HS6ST3: variants seen among roughly 807,000 people sequenced by gnomAD.
The protein encoded by HS6ST3 is heparan-sulfate 6-O-sulfotransferase 3.
HS6ST3 carries 12 observed loss-of-function variants against 36.7 expected under a neutral mutation model. The ratio of observed to expected loss-of-function variants is 0.33; its 90% CI spans 0.21 to 0.53. The LOEUF is 0.53. Ranked by LOEUF, HS6ST3 falls within the 20% of genes least tolerant of loss-of-function variation. HS6ST3 has a pLI of 0.95. For missense variants in HS6ST3, 584 were observed against 640.9 expected (o/e 0.91, Z 0.96); for synonymous variants, 240 against 257.5 (o/e 0.93, Z 0.65).
intron 1 of HS6ST3, among the ~76,000 whole-genome samples, chr13:96,750,505 A>C (rs1475799438): frequency 3.3e-5 from 5 of 152,214 alleles, no homozygotes; most frequent in African/African-American, 1.2e-4. Context: ...CTCTTTCATT[A>C]ATCAAACGGG....
intron 1 of HS6ST3, among the ~76,000 whole-genome samples, chr13:96,641,764 T>A (rs1163901063): frequency 1.3e-5 from 2 of 151,842 alleles, no homozygotes; most frequent in Non-Finnish European, 2.9e-5. Context: ...TTCACTAGTA[T>A]GCAAATATTT....
rs142121172 is a variant in HS6ST3 at position 96,598,033 on chromosome 13, G to A, written c.708-234457G>A. Among the ~76,000 whole-genome samples, 149 of 152,076 alleles carry A rather than the reference G, an allele frequency of 9.8e-4. 2 individuals carry two copies. The East Asian group carries it at 0.025, about 25-fold the overall frequency. On this transcript the variant is annotated intron_variant, in intron 1 of 1. Coordinates refer to ENST00000376705, the MANE Select transcript of HS6ST3 (RefSeq NM_153456.4). ...TCTGTTCTGTTCCACCGGTCTCTGT[G>A]TCTGCTTTTATACCAGTGCCATGCT...
intron 1 of HS6ST3, among the ~76,000 whole-genome samples, chr13:96,301,943 A>ATT (rs2054885169): frequency 2.8e-5 from 4 of 144,706 alleles, no homozygotes; most frequent in Admixed American, 1.4e-4. Context: ...TAATAATAAT[A>ATT]ATTTCTAAAA....
rs180939759 is a variant in HS6ST3 at position 96,161,357 on chromosome 13, G to A, written c.707+69788G>A. Among the ~76,000 whole-genome samples the A allele has an allele frequency of 1.2e-4, 18 of 152,270 alleles. No individual in the cohort carries two copies. In the South Asian group the frequency reaches 3.3e-3, roughly 28 times the overall value. On this transcript the variant is annotated intron_variant, in intron 1 of 1. Coordinates refer to ENST00000376705, the MANE Select transcript of HS6ST3 (RefSeq NM_153456.4). ...CTGGATCTTGACAAGTGAATGGGAC[G>A]TGGAAGTGAAATGAGTAGTGTCAGC...
chr13:96,320,657 T>C (rs990591470), intron 1 of HS6ST3, among the ~76,000 whole-genome samples: 40 of 152,224 alleles, frequency 2.6e-4, no homozygotes, highest in African/African-American at 9.4e-4. Flanking sequence ...CTATTTGAGA[T>C]GGCATTTCAG....
At chr13:96,230,242 G>T (rs192313552) in intron 1 of HS6ST3, among the ~76,000 whole-genome samples, 36 of 152,230 alleles carry the variant, frequency 2.4e-4, no homozygotes, top group Non-Finnish European at 4.0e-4. Context: ...TGGGCAACAG[G>T]ATATGGCAGG....
chr13:96,798,070 A>G (rs1877957298), intron 1 of HS6ST3, among the ~76,000 whole-genome samples: 1 of 151,952 alleles, frequency 6.6e-6, no homozygotes, highest in Non-Finnish European at 1.5e-5. Context: ...GGTTCAATTA[A>G]TTTCTTAGAG....
intron 1 of HS6ST3, among the ~76,000 whole-genome samples, chr13:96,667,560 C>T (rs1471557497): frequency 5.9e-5 from 9 of 152,140 alleles, no homozygotes; most frequent in South Asian, 2.1e-4. Context: ...TCCACCAGAA[C>T]GATAATGACT....
chr13:96,107,347 A>G (rs1023419931), intron 1 of HS6ST3, among the ~76,000 whole-genome samples: 3 of 152,304 alleles, frequency 2.0e-5, no homozygotes, highest in Middle Eastern at 3.4e-3. Flanking sequence ...AGATGGGGCA[A>G]TGAGTGATCA....
At chr13:96,718,970 A>G (rs948968026) in intron 1 of HS6ST3, among the ~76,000 whole-genome samples, 10 of 152,180 alleles carry the variant, frequency 6.6e-5, no homozygotes, top group African/African-American at 1.9e-4. Flanking sequence ...TCTTTGAAAT[A>G]GCACCTAAGA....
intron 1 of HS6ST3, among the ~76,000 whole-genome samples, chr13:96,371,512 A>G (rs2055290094): frequency 6.6e-6 from 1 of 152,136 alleles, no homozygotes; most frequent in Non-Finnish European, 1.5e-5. Context: ...AATTTCAGGT[A>G]TATAATACAT....
At chr13:96,721,517 G>A (rs572763567) in intron 1 of HS6ST3, among the ~76,000 whole-genome samples, 1 of 152,092 alleles carries the variant, frequency 6.6e-6, no homozygotes, top group Non-Finnish European at 1.5e-5. Flanking sequence ...TGACTTTACT[G>A]AGCTAATGTC....
chr13:96,584,286 G>A (rs2056352852), intron 1 of HS6ST3, among the ~76,000 whole-genome samples: 1 of 152,090 alleles, frequency 6.6e-6, no homozygotes, highest in South Asian at 2.1e-4. Flanking sequence ...TGGGATTACA[G>A]TCATGTGCCA....
intron 1 of HS6ST3, among the ~76,000 whole-genome samples, chr13:96,531,788 C>G (rs1436930829): frequency 6.6e-6 from 1 of 152,202 alleles, no homozygotes; most frequent in Non-Finnish European, 1.5e-5. Context: ...AGTCAAGTAG[C>G]TGATATGTGC....
chr13:96,560,241 A>G (rs964399736), intron 1 of HS6ST3, among the ~76,000 whole-genome samples: 6 of 152,234 alleles, frequency 3.9e-5, no homozygotes, highest in African/African-American at 1.4e-4. Context: ...TTAGACATGT[A>G]ACTCAGTCAT....
intron 1 of HS6ST3, among the ~76,000 whole-genome samples, chr13:96,688,842 T>C (rs905035043): frequency 1.2e-4 from 18 of 152,088 alleles, no homozygotes; most frequent in African/African-American, 4.1e-4. Context: ...AATCCTCATT[T>C]ACCGAAGTTT....
chr13:96,412,538 A>G (rs1294095416), intron 1 of HS6ST3, among the ~76,000 whole-genome samples: 2 of 152,200 alleles, frequency 1.3e-5, no homozygotes, highest in Non-Finnish European at 2.9e-5. Context: ...ATGGATTAAG[A>G]AGATTCTTGG....
At chr13:96,100,648 A>C (rs1258236694) in intron 1 of HS6ST3, among the ~76,000 whole-genome samples, 1 of 152,138 alleles carries the variant, frequency 6.6e-6, no homozygotes, top group Non-Finnish European at 1.5e-5. Flanking sequence ...AGAGGCCAAG[A>C]GAAAGGAGTG....
At chr13:96,443,431 C>T (rs916655289) in intron 1 of HS6ST3, among the ~76,000 whole-genome samples, 3 of 147,754 alleles carry the variant, frequency 2.0e-5, no homozygotes, top group East Asian at 2.0e-4. Context: ...TCGGGAGGCT[C>T]AGGCAGGAGA....
Sources: allele counts gnomAD v4.1 joint callset (sites outside exome capture counted in the v4.1 genomes callset), GRCh38; gene constraint gnomAD v4.1.1; transcripts MANE v1.5; gene names NCBI Gene and HGNC (gene_info 2026-07-23, HGNC 2026-07-21).